The following CDK13 variants were observed in gnomAD, a reference collection of about 807,000 sequenced individuals.
CDK13 encodes the protein cyclin-dependent kinase 13.
CDK13 carries 40 observed loss-of-function variants against 137.6 expected under a neutral mutation model. The observed-to-expected ratio is 0.29, with a 90% CI of 0.23 to 0.38. The LOEUF is 0.38. Ranked by LOEUF, CDK13 falls within the 10% of genes least tolerant of loss-of-function variation. CDK13 has a pLI of 1.00. For missense variants in CDK13, 1,704 were observed against 1,951.8 expected (o/e 0.87, Z 2.39); for synonymous variants, 869 against 760.1 (o/e 1.14, Z -2.36).
intron 5 of CDK13, among the ~76,000 whole-genome samples, chr7:40,003,825 C>T (rs1388184146): frequency 6.6e-6 from 1 of 152,194 alleles, no homozygotes; most frequent in Non-Finnish European, 1.5e-5. Flanking sequence ...TTCACACATG[C>T]ACGCATGCAC....
At chr7:40,084,940 T>C (rs1170777799) in intron 11 of CDK13, among the ~76,000 whole-genome samples, 4 of 152,244 alleles carry the variant, frequency 2.6e-5, no homozygotes, top group Non-Finnish European at 5.9e-5. Flanking sequence ...AAAGTTTGGT[T>C]ATCTGGAAGA....
At chr7:40,037,295 C>T (rs1424744085) in intron 5 of CDK13, among the ~76,000 whole-genome samples, 1 of 152,106 alleles carries the variant, frequency 6.6e-6, no homozygotes, top group Non-Finnish European at 1.5e-5. Flanking sequence ...CATAAGATTG[C>T]AGTGAGATGT....
Position 39,951,812 on chromosome 7 carries a change from A to C in CDK13, c.1171A>C (p.Ser391Arg). 1 of 1,453,810 alleles carries C rather than the reference A, an allele frequency of 6.9e-7. No homozygotes were observed. The highest frequency in any genetic ancestry group is 9.0e-7 in the Non-Finnish European group (1 of 1,112,424). The allele number at this position is 1,453,810 out of a possible 1,614,324, so 90.1% of individuals were successfully genotyped here. The change falls in exon 1 of 14, where the codon AGC becomes CGC. Residue 391 changes from serine (S) to arginine (R), a missense_variant. Ser to Arg is a moderately radical substitution (Grantham distance 110). Transcript: ENST00000181839. ...GTCCCCTAGTCCCTACAGCAGCAGC[A>C]GCTGGCGCCGCTCTCGCAGTCCCTA... ...DVSPSPYSSS[S>R]WRRSRSPYSP...
intron 12 of CDK13, 100 bp from the exon 13 acceptor site, chr7:40,092,685 C>G (rs750567468): frequency 5.1e-6 from 4 of 779,226 alleles, no homozygotes; most frequent in Non-Finnish European, 8.4e-6. Flanking sequence ...TACTCTCCCT[C>G]AAATATATAT....
intron 1 of CDK13, among the ~76,000 whole-genome samples, chr7:39,982,344 CTCA>C (rs1236481548): frequency 2.6e-5 from 4 of 152,074 alleles, no homozygotes; most frequent in African/African-American, 9.7e-5. Flanking sequence ...AGGACATGAA[CTCA>C]TCATTTTTTA....
intron 2 of CDK13, among the ~76,000 whole-genome samples, chr7:39,997,206 C>T (rs930235372): frequency 6.6e-6 from 1 of 152,064 alleles, no homozygotes; most frequent in Non-Finnish European, 1.5e-5. Context: ...CAGTATGGTA[C>T]ATTCGTTAAC....
At position 39,951,337 on chromosome 7, in the gene CDK13, C is replaced by T. The variant is rs779727790; in HGVS notation, c.696C>T (p.Arg232=). The part of the protein sequence containing the change: ...QRGGSEASKS[R]SRHSHSGEER... ...GTGGCAGCGAGGCCTCCAAGTCCCG[C>T]AGCCGCCACAGCCACAGCGGCGAGG... The change falls in exon 1 of 14, where the codon CGC becomes CGT. Residue 232 remains arginine (R), a synonymous_variant. Transcript: ENST00000181839. The T allele has an allele frequency of 6.9e-7, 1 of 1,449,654 alleles. No homozygotes were observed. Among genetic ancestry groups the T allele is most frequent in the South Asian group, 1.4e-5 (1 of 72,672 alleles). The allele number at this position is 1,449,654 out of a possible 1,614,324, so 89.8% of individuals were successfully genotyped here. A position where few individuals can be genotyped will look rare whatever the true frequency, so the allele number is the denominator to read the frequency against.
intron 9 of CDK13, chr7:40,069,465 T>G: frequency 3.3e-6 from 1 of 303,538 alleles, no homozygotes; most frequent in Non-Finnish European, 6.8e-6. Flanking sequence ...CATATGCTCT[T>G]AAGTTTTTTT....
intron 5 of CDK13, among the ~76,000 whole-genome samples, chr7:40,006,351 G>T (rs1784795847): frequency 1.3e-5 from 2 of 152,194 alleles, no homozygotes; most frequent in Non-Finnish European, 2.9e-5. Context: ...TACTGCAACA[G>T]ATTATGGATG....
At chr7:40,091,393 C>T (rs189061131) in intron 12 of CDK13, among the ~76,000 whole-genome samples, 26 of 151,868 alleles carry the variant, frequency 1.7e-4, no homozygotes, top group Admixed American at 7.9e-4. Context: ...TGGTGGCACG[C>T]GCCTGTAATC....
At chr7:39,997,372 G>A in intron 2 of CDK13, 122 bp from the exon 3 acceptor site, 1 of 780,388 alleles carries the variant, frequency 1.3e-6, no homozygotes, top group South Asian at 1.6e-5. Flanking sequence ...TTGGACAATA[G>A]TCTTATAATG....
intron 11 of CDK13, among the ~76,000 whole-genome samples, chr7:40,083,878 C>A (rs907157296): frequency 6.6e-6 from 1 of 152,002 alleles, no homozygotes; most frequent in African/African-American, 2.4e-5. Context: ...AATATAATAT[C>A]TCTCACTATT....
chr7:40,088,317 C>T lies in CDK13; in HGVS notation c.3221C>T (p.Ser1074Leu). Residue 1074 changes from serine (S) to leucine (L), a missense_variant, in exon 12 of 14, where the codon TCA (serine) becomes TTA (leucine). Coordinates refer to ENST00000181839, the MANE Select transcript of CDK13 (RefSeq NM_003718.5). ...PSSQLKSQGS[S>L]NVAPVKTGPG... ...TCACAGCTGAAATCTCAGGGCAGCT[C>T]AAATGTGGCACCTGGTCAGTAATGC... is the stretch of plus-strand genomic sequence containing the variant. 7 of 1,611,416 alleles carry T rather than the reference C, an allele frequency of 4.3e-6. No homozygotes were observed. Among genetic ancestry groups the T allele is most frequent in the Non-Finnish European group, 5.9e-6 (7 of 1,177,680 alleles).
At chr7:40,064,027 G>A (rs1041676592) in intron 9 of CDK13, among the ~76,000 whole-genome samples, 10 of 151,934 alleles carry the variant, frequency 6.6e-5, no homozygotes, top group Admixed American at 5.9e-4. Flanking sequence ...TCTCACGCCC[G>A]TAATCCCAGC....
At chr7:40,062,786 A>G in intron 7 of CDK13, 40 bp from the exon 8 acceptor site, 1 of 1,388,596 alleles carries the variant, frequency 7.2e-7, no homozygotes, top group Non-Finnish European at 1.0e-6. Flanking sequence ...TCTTACTCCA[A>G]CAAATACTAA....
intron 5 of CDK13, among the ~76,000 whole-genome samples, chr7:40,008,775 A>G (rs2116355471): frequency 6.6e-6 from 1 of 152,328 alleles, no homozygotes; most frequent in Admixed American, 6.5e-5. Context: ...GCAGCATGTT[A>G]AGGCAGGGTT....
intron 7 of CDK13, 114 bp from the exon 8 acceptor site, chr7:40,062,712 A>G (rs546001640): frequency 1.3e-6 from 1 of 752,510 alleles, no homozygotes; most frequent in Non-Finnish European, 2.3e-6. Context: ...TAGGCAGATG[A>G]AAGTGTTTTT....
At chr7:39,959,766 G>A (rs1194301692) in intron 1 of CDK13, among the ~76,000 whole-genome samples, 1 of 150,250 alleles carries the variant, frequency 6.7e-6, no homozygotes, top group Non-Finnish European at 1.5e-5. Context: ...CACCTGGCCA[G>A]ATGTTCTAAT....
intron 5 of CDK13, among the ~76,000 whole-genome samples, chr7:40,016,594 A>C (rs1228363781): frequency 6.6e-6 from 1 of 152,184 alleles, no homozygotes; most frequent in Non-Finnish European, 1.5e-5. Context: ...TTATGTATTT[A>C]TAGAAATACA....
Sources: gnomAD v4.1 joint callset for allele counts (sites outside exome capture counted in the v4.1 genomes callset) on GRCh38, gnomAD v4.1.1 for gene constraint, MANE v1.5 for transcripts, NCBI Gene and HGNC (gene_info 2026-07-23, HGNC 2026-07-21) for gene names.